Variants in SGCD observed in about 807,000 individuals in gnomAD.
The protein encoded by SGCD is delta-sarcoglycan.
A neutral mutation model predicts 36.6 loss-of-function variants in SGCD; 18 were observed. The observed-to-expected ratio is 0.49, with a 90% CI of 0.34 to 0.73. The LOEUF (loss-of-function observed/expected upper bound fraction) is 0.73, where lower values mean the gene tolerates loss of function less well. Among genes scored for constraint, SGCD ranks in the 30% least tolerant of loss-of-function variants. The pLI is 0.01. For missense variants in SGCD, 387 were observed against 346.7 expected (o/e 1.12, Z -0.92); for synonymous variants, 133 against 130.6 (o/e 1.02, Z -0.12).
chr5:155,905,893 C>T (rs954671304), intron 1 of SGCD, among the ~76,000 whole-genome samples: 11 of 152,192 alleles, frequency 7.2e-5, no homozygotes, highest in South Asian at 2.1e-4. Flanking sequence ...CCAATGAAAC[C>T]CTTTTTCTTC....
At chr5:156,026,866 A>G (rs1759235438) in intron 1 of SGCD, among the ~76,000 whole-genome samples, 1 of 152,142 alleles carries the variant, frequency 6.6e-6, no homozygotes, top group Non-Finnish European at 1.5e-5. Context: ...TCTATTAGAC[A>G]TTGCCAGCTA....
At chr5:156,095,051 A>G (rs185728795) in intron 1 of SGCD, among the ~76,000 whole-genome samples, 1 of 152,136 alleles carries the variant, frequency 6.6e-6, no homozygotes, top group East Asian at 1.9e-4. Context: ...CTGCACTTGT[A>G]CTGTCTGACC....
At chr5:156,204,133 C>T (rs1048498544) in intron 3 of SGCD, among the ~76,000 whole-genome samples, 3 of 151,822 alleles carry the variant, frequency 2.0e-5, no homozygotes, top group African/African-American at 4.8e-5. Flanking sequence ...AGGTGTCATC[C>T]CATTTAGTGT....
intron 1 of SGCD, among the ~76,000 whole-genome samples, chr5:155,992,047 A>G (rs541871619): frequency 6.6e-6 from 1 of 152,254 alleles, no homozygotes; most frequent in Non-Finnish European, 1.5e-5. Context: ...AAGCTCTGAG[A>G]TCCTCTTTTC....
chr5:156,456,110 T>C (rs2127811632), intron 3 of SGCD, among the ~76,000 whole-genome samples: 1 of 152,308 alleles, frequency 6.6e-6, no homozygotes, highest in Non-Finnish European at 1.5e-5. Context: ...CTTAGAAAAC[T>C]AGTGCAGTTT....
chr5:156,595,043 G>A lies in SGCD; in HGVS notation c.494G>A (p.Arg165Gln), dbSNP rs727503423. 7.1e-5 allele frequency: 114 copies of A among 1,611,030 alleles called. No individual in the cohort carries two copies. In the Admixed American group the frequency reaches 8.9e-4, roughly 13 times the overall value. The change falls in exon 6 of 9, where the codon CGA becomes CAA. Residue 165 changes from arginine (R) to glutamine (Q), a missense_variant. Coordinates refer to ENST00000337851, the MANE Select transcript of SGCD (RefSeq NM_000337.6). Reference sequence around the variant, plus strand: ...GTGGTAGTAGGAGCTGAAAGATTACGAGTTTTAGGTAAGGAAACTTGAATC... The same window carrying A: ...GTGGTAGTAGGAGCTGAAAGATTACAAGTTTTAGGTAAGGAAACTTGAATC... ...NEVVVGAERL[R>Q]VLGAEGTVFP...
chr5:155,877,009 A>G (rs894019088), intron 1 of SGCD, among the ~76,000 whole-genome samples: 1 of 152,116 alleles, frequency 6.6e-6, no homozygotes, highest in African/African-American at 2.4e-5. Flanking sequence ...CCTATCTTCA[A>G]GGAACTTATG....
intron 3 of SGCD, among the ~76,000 whole-genome samples, chr5:156,318,453 A>G (rs1342806947): frequency 6.6e-6 from 1 of 152,160 alleles, no homozygotes; most frequent in Non-Finnish European, 1.5e-5. Context: ...TATCTATCAT[A>G]TCTCCAATCC....
intron 2 of SGCD, among the ~76,000 whole-genome samples, chr5:156,118,406 A>G (rs1761954594): frequency 1.3e-5 from 2 of 152,126 alleles, no homozygotes; most frequent in African/African-American, 4.8e-5. Context: ...CAAAGGGGGG[A>G]CCTGTATTTC....
At chr5:156,123,665 A>G (rs1031144730) in intron 2 of SGCD, among the ~76,000 whole-genome samples, 2 of 151,604 alleles carry the variant, frequency 1.3e-5, no homozygotes, top group African/African-American at 4.8e-5. Flanking sequence ...ATACTATGAA[A>G]TTTTTTTTTG....
intron 3 of SGCD, among the ~76,000 whole-genome samples, chr5:156,364,059 G>T (rs1260089352): frequency 1.3e-5 from 2 of 152,170 alleles, no homozygotes; most frequent in East Asian, 3.8e-4. Flanking sequence ...GTGCAGGGAG[G>T]TATGGGCAGC....
chr5:156,095,041 C>T (rs1399788315), intron 1 of SGCD, among the ~76,000 whole-genome samples: 1 of 152,072 alleles, frequency 6.6e-6, no homozygotes, highest in Non-Finnish European at 1.5e-5. Context: ...GACTTGGTTT[C>T]TGCACTTGTA....
rs60939391 is a variant in SGCD, at chr5:156,723,850, AGTGT to A, written c.576-33706_576-33703del. Among the ~76,000 whole-genome samples the A allele has an allele frequency of 8.9e-3, 1,324 of 149,582 alleles. 7 individuals carry two copies. The highest frequency in any genetic ancestry group is 0.013 in the Non-Finnish European group (860 of 67,216). ...GAGTCCACTGAAGTGTTTTAAGCCA[AGTGT>A]GTGTGTGTGTGTGTGTGTGTGTGTA... On this transcript the variant is annotated intron_variant, in intron 7 of 8. Coordinates refer to ENST00000337851, the MANE Select transcript of SGCD (RefSeq NM_000337.6).
At chr5:156,746,110 C>A (rs1260387080) in intron 7 of SGCD, among the ~76,000 whole-genome samples, 2 of 151,024 alleles carry the variant, frequency 1.3e-5, no homozygotes, top group Non-Finnish European at 2.9e-5. Context: ...TATAGACCAT[C>A]AGAGATAAAA....
At chr5:156,054,348 C>G (rs1760004514) in intron 1 of SGCD, among the ~76,000 whole-genome samples, 1 of 136,794 alleles carries the variant, frequency 7.3e-6, no homozygotes, top group Non-Finnish European at 1.6e-5. Context: ...TGCAGTGGCG[C>G]GATCTCGGCT....
At chr5:155,867,774 C>T (rs1229434635), upstream of SGCD, among the ~76,000 whole-genome samples, 1 of 152,124 alleles carries the variant, frequency 6.6e-6, no homozygotes, top group Non-Finnish European at 1.5e-5. Flanking sequence ...ATTCTCTAGG[C>T]TTGACATACA....
chr5:156,428,176 TG>T (rs1196029755), intron 3 of SGCD, among the ~76,000 whole-genome samples: 1 of 152,156 alleles, frequency 6.6e-6, no homozygotes, highest in Non-Finnish European at 1.5e-5. Context: ...GGACTTTTTT[TG>T]TTGGTAGGTA....
intron 7 of SGCD, among the ~76,000 whole-genome samples, chr5:156,692,042 A>G (rs890587646): frequency 4.6e-5 from 7 of 152,212 alleles, no homozygotes; most frequent in Non-Finnish European, 8.8e-5. Context: ...ACTTGTGACT[A>G]GGTAACTTTC....
At chr5:156,264,337 G>T (rs997099780) in intron 3 of SGCD, among the ~76,000 whole-genome samples, 1 of 151,994 alleles carries the variant, frequency 6.6e-6, no homozygotes, top group African/African-American at 2.4e-5. Context: ...AAAACTACTA[G>T]AAAGAAATGA....
Sources: allele counts gnomAD v4.1 joint callset (sites outside exome capture counted in the v4.1 genomes callset), GRCh38; gene constraint gnomAD v4.1.1; transcripts MANE v1.5; gene names NCBI Gene and HGNC (gene_info 2026-07-23, HGNC 2026-07-21).